Variants in SGCZ observed in about 807,000 individuals in gnomAD.
SGCZ encodes the protein zeta-sarcoglycan.
SGCZ carries 40 observed loss-of-function variants against 41.3 expected under a neutral mutation model. That is an observed-to-expected ratio of 0.97 (90% CI 0.75 to 1.26). SGCZ has a LOEUF of 1.26. Among genes scored for constraint, SGCZ ranks in the 50% most tolerant of loss-of-function variants. The probability of loss-of-function intolerance (pLI) is 0.00; values close to 1 mark genes in which losing one functional copy is unlikely to be tolerated. For synonymous variants in SGCZ, 206 were observed against 137.5 expected (o/e 1.50, Z -3.49); for missense variants, 552 against 369.8 (o/e 1.49, Z -4.04).
chr8:14,283,712 G>A (rs1477543591), intron 3 of SGCZ, among the ~76,000 whole-genome samples: 1 of 152,152 alleles, frequency 6.6e-6, no homozygotes, highest in Non-Finnish European at 1.5e-5. Flanking sequence ...TTTTTCTGCA[G>A]AAGGCCAGAT....
At chr8:14,898,183 C>G (rs73666926) in intron 1 of SGCZ, among the ~76,000 whole-genome samples, 1 of 151,948 alleles carries the variant, frequency 6.6e-6, no homozygotes, top group African/African-American at 2.4e-5. Flanking sequence ...CTCCTGTACT[C>G]AAGAGATCCT....
At chr8:14,322,207 C>G (rs537748949) in intron 3 of SGCZ, among the ~76,000 whole-genome samples, 2 of 152,138 alleles carry the variant, frequency 1.3e-5, no homozygotes, top group South Asian at 4.2e-4. Flanking sequence ...GTTCTTGCAC[C>G]AGATTTCCTG....
chr8:14,553,531 G>A lies in SGCZ; in HGVS notation c.234+1201C>T, dbSNP rs1476142240. On this transcript the variant is annotated intron_variant, in intron 2 of 7. Transcript: ENST00000382080. ...TTATTGGAAAAAAAATGGAACCGTGGCTCATTTCCCTCCATGAGCACATGC... is the reference window on the plus strand; with the variant it reads ...TTATTGGAAAAAAAATGGAACCGTGACTCATTTCCCTCCATGAGCACATGC... Among the ~76,000 whole-genome samples, 5 of 151,982 alleles carry A rather than the reference G, an allele frequency of 3.3e-5. 1 individual carries two copies.
At chr8:14,269,630 G>A (rs765629312) in intron 3 of SGCZ, among the ~76,000 whole-genome samples, 1 of 152,090 alleles carries the variant, frequency 6.6e-6, no homozygotes, top group Non-Finnish European at 1.5e-5. Flanking sequence ...TGATCTCCAT[G>A]TCAGATAAAT....
At chr8:15,144,427 G>A (rs939012128) in intron 1 of SGCZ, among the ~76,000 whole-genome samples, 1 of 151,174 alleles carries the variant, frequency 6.6e-6, no homozygotes, top group African/African-American at 2.4e-5. Flanking sequence ...AACAGGCTCA[G>A]AAGTAGTTCT....
intron 1 of SGCZ, among the ~76,000 whole-genome samples, chr8:14,709,451 T>C (rs1809442834): frequency 6.6e-6 from 1 of 152,156 alleles, no homozygotes; most frequent in South Asian, 2.1e-4. Context: ...ACTCTTACAG[T>C]ATGAATGGAA....
intron 1 of SGCZ, among the ~76,000 whole-genome samples, chr8:15,122,403 C>A (rs1807516319): frequency 6.6e-6 from 1 of 152,076 alleles, no homozygotes; most frequent in African/African-American, 2.4e-5. Flanking sequence ...AAATTATCTT[C>A]TATCATACAT....
At chr8:14,721,462 C>A (rs1563225121) in intron 1 of SGCZ, among the ~76,000 whole-genome samples, 1 of 152,128 alleles carries the variant, frequency 6.6e-6, no homozygotes, top group East Asian at 1.9e-4. Flanking sequence ...CTTTGTCCTT[C>A]CAGTTGCTTA....
chr8:14,177,057 A>T (rs183318191), intron 4 of SGCZ, among the ~76,000 whole-genome samples: 9 of 152,250 alleles, frequency 5.9e-5, no homozygotes, highest in Middle Eastern at 3.4e-3. Context: ...CAAGGATCGT[A>T]GAGAGTAAGC....
chr8:14,509,214 A>T (rs1263538501), intron 2 of SGCZ, among the ~76,000 whole-genome samples: 1 of 152,142 alleles, frequency 6.6e-6, no homozygotes, highest in Non-Finnish European at 1.5e-5. Flanking sequence ...CATTATTAGG[A>T]AATTGATTAT....
At chr8:14,307,596 A>T (rs1438128548) in intron 3 of SGCZ, among the ~76,000 whole-genome samples, 2 of 152,146 alleles carry the variant, frequency 1.3e-5, no homozygotes, top group Non-Finnish European at 2.9e-5. Context: ...AAAGTGGATC[A>T]CACTTTGGTC....
intron 2 of SGCZ, among the ~76,000 whole-genome samples, chr8:14,421,844 A>T (rs1799645479): frequency 6.6e-6 from 1 of 152,168 alleles, no homozygotes; most frequent in Non-Finnish European, 1.5e-5. Flanking sequence ...AAAATAGTTT[A>T]TTTAAAGAGG....
chr8:14,375,429 A>G (rs934743164), intron 2 of SGCZ, among the ~76,000 whole-genome samples: 10 of 152,216 alleles, frequency 6.6e-5, no homozygotes, highest in African/African-American at 2.2e-4. Context: ...CATAATTATT[A>G]GGAAGGTTGA....
At chr8:14,999,771 A>G (rs1048213607) in intron 1 of SGCZ, among the ~76,000 whole-genome samples, 3 of 152,196 alleles carry the variant, frequency 2.0e-5, no homozygotes, top group African/African-American at 4.8e-5. Context: ...ATGAAGGCCA[A>G]CTCCCATGCA....
In SGCZ at chr8:14,332,788, AATAGAGT is replaced by A. The variant is rs1022817696; in HGVS notation, c.235-8591_235-8585del. 291 of 151,564 alleles carry A rather than the reference AATAGAGT, an allele frequency of 1.9e-3. 2 individuals are homozygous for A. Among genetic ancestry groups the A allele is most frequent in the African/African-American group, 6.8e-3 (282 of 41,432 alleles). 9.4% of individuals were successfully genotyped at this position (151,564 alleles called of 1,614,324 possible). On this transcript the variant is annotated intron_variant, in intron 2 of 7. Transcript: ENST00000382080. ...ATTTAAATTATAAAATTTGGTTTGCAATAGAGTATAGAGTATGTAGATATATAGAATA... is the reference window on the plus strand; with the variant it reads ...ATTTAAATTATAAAATTTGGTTTGCAATAGAGTATGTAGATATATAGAATA...
At chr8:14,614,078 G>A (rs1040267678) in intron 1 of SGCZ, among the ~76,000 whole-genome samples, 1 of 152,120 alleles carries the variant, frequency 6.6e-6, no homozygotes, top group African/African-American at 2.4e-5. Flanking sequence ...TGTGAGTTAA[G>A]TAACAAACAC....
chr8:14,761,538 T>TC (rs1799874025), intron 1 of SGCZ, among the ~76,000 whole-genome samples: 1 of 142,412 alleles, frequency 7.0e-6, no homozygotes, highest in South Asian at 2.2e-4. Flanking sequence ...TTTATTTATT[T>TC]ATTTTTTTTT....
At position 14,086,391 on chromosome 8, in the gene SGCZ, G is replaced by A. The variant is rs1801523766; in HGVS notation, c.*4052C>T. Among the ~76,000 whole-genome samples, 1 of 151,606 alleles carries A rather than the reference G, an allele frequency of 6.6e-6. No individual in the cohort carries two copies. The highest frequency in any genetic ancestry group is 1.5e-5 in the Non-Finnish European group (1 of 67,728). The stretch of plus-strand genomic sequence containing the variant: ...ATGTTTGCAATGAAATAATTTATTA[G>A]GAGTTTTATTGTATCAAATGCTATT... On this transcript the variant is annotated 3_prime_UTR_variant, in exon 8 of 8. Transcript: ENST00000382080.
intron 2 of SGCZ, among the ~76,000 whole-genome samples, chr8:14,327,596 G>C (rs1210321331): frequency 6.6e-6 from 1 of 152,152 alleles, no homozygotes; most frequent in African/African-American, 2.4e-5. Context: ...GGAAATAAGA[G>C]GACTGGGCAT....
Sources: allele counts gnomAD v4.1 joint callset (sites outside exome capture counted in the v4.1 genomes callset), GRCh38; gene constraint gnomAD v4.1.1; transcripts MANE v1.5; gene names NCBI Gene and HGNC (gene_info 2026-07-23, HGNC 2026-07-21).